The following TMEM9 variants were observed in gnomAD, a reference collection of about 807,000 sequenced individuals.
TMEM9 encodes transmembrane protein 9.
TMEM9 carries 13 observed loss-of-function variants against 22.8 expected under a neutral mutation model. The ratio of observed to expected loss-of-function variants is 0.57; its 90% CI spans 0.37 to 0.91. The LOEUF is 0.91. TMEM9 is among the 40% of genes least tolerant of loss of function. TMEM9 has a pLI of 0.01. For synonymous variants in TMEM9, 88 were observed against 93.0 expected (o/e 0.95, Z 0.31); for missense variants, 182 against 238.1 (o/e 0.76, Z 1.55).
intron 4 of TMEM9, among the ~76,000 whole-genome samples, chr1:201,138,203 G>C (rs538978410): frequency 1.2e-3 from 188 of 152,294 alleles, no homozygotes; most frequent in Non-Finnish European, 2.3e-3. Flanking sequence ...GTATCTCAGG[G>C]GAGCGTCTTG....
Position 201,154,147 on chromosome 1 carries a change from C to G in TMEM9, c.-224G>C. ...CAACTCTCCGGCTCTCCGCCAGCCA[C>G]CTGGTGAGCCCGGCAGAGGGGTCCT... On this transcript the variant is annotated 5_prime_UTR_variant, in exon 1 of 5. Transcript: ENST00000367330. The G allele has an allele frequency of 3.6e-6, 2 of 556,456 alleles. No individual in the cohort carries two copies. The highest frequency in any genetic ancestry group is 6.3e-6 in the Non-Finnish European group (2 of 318,282). The allele number at this position is 556,456 out of a possible 1,614,324, so 34.5% of individuals were successfully genotyped here.
chr1:201,160,300 T>C (rs1315996894), intron 1 of TMEM9, among the ~76,000 whole-genome samples: 2 of 152,182 alleles, frequency 1.3e-5, no homozygotes, highest in Non-Finnish European at 2.9e-5. Flanking sequence ...TAAAAATTAT[T>C]GAGGTTAGGC....
At chr1:201,145,341 G>GC (rs1664872260) in intron 3 of TMEM9, 1 of 152,624 alleles carries the variant, frequency 6.6e-6, no homozygotes, top group Non-Finnish European at 1.5e-5. Flanking sequence ...GCCCACTGGA[G>GC]CAAGTTCAGA....
chr1:201,134,794 T>C lies in TMEM9; in HGVS notation c.*869A>G, dbSNP rs1333749604. The C allele has an allele frequency of 1.3e-5, 2 of 152,824 alleles. No individual in the cohort carries two copies. Among genetic ancestry groups the C allele is most frequent in the South Asian group, 2.1e-4 (1 of 4,832 alleles). The allele number at this position is 152,824 out of a possible 1,614,324, so 9.5% of individuals were successfully genotyped here. ...AAGTGAGAGAAATAAAACAATTTAA[T>C]GATGGCTTCCTTGATTTACACACAA... is the stretch of plus-strand genomic sequence containing the variant. On this transcript the variant is annotated 3_prime_UTR_variant, in exon 5 of 5. Transcript: ENST00000367330.
chr1:201,156,851 G>T (rs1421980417), upstream of TMEM9, among the ~76,000 whole-genome samples: 1 of 152,188 alleles, frequency 6.6e-6, no homozygotes, highest in Non-Finnish European at 1.5e-5. Flanking sequence ...GTACCCCAGG[G>T]ATACAACAGA....
At chr1:201,167,837 G>A (rs930314060) in intron 1 of TMEM9, among the ~76,000 whole-genome samples, 2 of 152,276 alleles carry the variant, frequency 1.3e-5, no homozygotes, top group African/African-American at 4.8e-5. Flanking sequence ...TTTTTGCAAG[G>A]ATGGGATTAC....
intron 1 of TMEM9, among the ~76,000 whole-genome samples, chr1:201,152,305 G>C (rs531010712): frequency 2.0e-5 from 3 of 152,278 alleles, no homozygotes; most frequent in African/African-American, 7.2e-5. Context: ...CATAAAGGGC[G>C]AGGGTGAATA....
intron 4 of TMEM9, among the ~76,000 whole-genome samples, chr1:201,137,866 A>T (rs561910209): frequency 6.6e-6 from 1 of 152,332 alleles, no homozygotes; most frequent in South Asian, 2.1e-4. Flanking sequence ...GAAAACTGCC[A>T]TGGCTGCTGC....
chr1:201,135,574 G>C lies in TMEM9; in HGVS notation c.*89C>G, dbSNP rs1276500905. ...GGCTTTTAAAGGGAAGACTGGAACCGAGGGAAGGGAGAAGTAGCCCCCTGC... is the reference window on the plus strand; with the variant it reads ...GGCTTTTAAAGGGAAGACTGGAACCCAGGGAAGGGAGAAGTAGCCCCCTGC... On this transcript the variant is annotated 3_prime_UTR_variant, in exon 5 of 5. Coordinates refer to ENST00000367330, the MANE Select transcript of TMEM9 (RefSeq NM_001288565.2). 1.6e-5 allele frequency: 21 copies of C among 1,342,948 alleles called. No homozygotes were observed. The South Asian group carries it at 3.3e-4, about 21-fold the overall frequency. 83.2% of individuals were successfully genotyped at this position (1,342,948 alleles called of 1,614,324 possible).
At chr1:201,148,245 C>T (rs1665145939) in intron 2 of TMEM9, among the ~76,000 whole-genome samples, 1 of 152,240 alleles carries the variant, frequency 6.6e-6, no homozygotes, top group East Asian at 1.9e-4. Flanking sequence ...GAACCCAAAT[C>T]TAGACCCTCA....
In TMEM9 at chr1:201,134,835, A is replaced by G. The variant is rs1296881573; in HGVS notation, c.*828T>C. ...TTACACACAACTCTAAGACAAGAGGACAAAATTTTCTCTCCATGCACTGGT... is the reference window on the plus strand; with the variant it reads ...TTACACACAACTCTAAGACAAGAGGGCAAAATTTTCTCTCCATGCACTGGT... On this transcript the variant is annotated 3_prime_UTR_variant, in exon 5 of 5. Transcript: ENST00000367330. The G allele has an allele frequency of 2.6e-5, 4 of 152,824 alleles. No individual in the cohort carries two copies. 9.5% of individuals were successfully genotyped at this position (152,824 alleles called of 1,614,324 possible). A position where few individuals can be genotyped will look rare whatever the true frequency, so the allele number is the denominator to read the frequency against.
At position 201,150,329 on chromosome 1, in the gene TMEM9, G is replaced by A. The variant is rs12065144; in HGVS notation, c.158+1432C>T. On this transcript the variant is annotated intron_variant, in intron 2 of 4. Coordinates refer to ENST00000367330, the MANE Select transcript of TMEM9 (RefSeq NM_001288565.2). ...CAGTCTGTGGTGTAAGTTTGACCAT[G>A]ACTATCTATGTGGCCACCAGTAAGG... Among the ~76,000 whole-genome samples the A allele has an allele frequency of 8.5e-3, 1,302 of 152,294 alleles. 17 individuals carry two copies. Among genetic ancestry groups the A allele is most frequent in the African/African-American group, 0.03 (1,246 of 41,548 alleles).
intron 4 of TMEM9, among the ~76,000 whole-genome samples, chr1:201,141,852 C>G (rs1037784307): frequency 2.0e-5 from 3 of 152,158 alleles, no homozygotes; most frequent in African/African-American, 7.2e-5. Context: ...CTGCTCTCCC[C>G]AAGCTGCCCT....
intron 1 of TMEM9, among the ~76,000 whole-genome samples, chr1:201,167,871 T>C (rs924619954): frequency 6.6e-6 from 1 of 152,238 alleles, no homozygotes; most frequent in African/African-American, 2.4e-5. Flanking sequence ...TGTGTAAATA[T>C]AGATATAAAT....
intron 2 of TMEM9, among the ~76,000 whole-genome samples, chr1:201,147,819 G>A (rs887351591): frequency 6.6e-6 from 1 of 152,212 alleles, no homozygotes; most frequent in East Asian, 1.9e-4. Context: ...CCAGCCACAC[G>A]GATCTGCCAG....
chr1:201,150,227 A>G (rs559282294), intron 2 of TMEM9, among the ~76,000 whole-genome samples: 1 of 152,360 alleles, frequency 6.6e-6, no homozygotes, highest in South Asian at 2.1e-4. Flanking sequence ...TATTTGAACT[A>G]TAACCACAAG....
intron 1 of TMEM9, among the ~76,000 whole-genome samples, chr1:201,166,202 A>C (rs1666074125): frequency 6.6e-6 from 1 of 151,906 alleles, no homozygotes; most frequent in Non-Finnish European, 1.5e-5. Flanking sequence ...TACTTTCTCT[A>C]ATAAATCTGC....
At chr1:201,157,695 T>A (rs1030546592), upstream of TMEM9, among the ~76,000 whole-genome samples, 2 of 152,102 alleles carry the variant, frequency 1.3e-5, no homozygotes, top group African/African-American at 2.4e-5. Context: ...GAACTTGAAG[T>A]TTATTGCAAG....
At chr1:201,157,104 G>A (rs1665818092), upstream of TMEM9, among the ~76,000 whole-genome samples, 1 of 152,130 alleles carries the variant, frequency 6.6e-6, no homozygotes. Context: ...TACAGAGAGG[G>A]GTCCTGGAAA....
Sources: gnomAD v4.1 joint callset for allele counts (sites outside exome capture counted in the v4.1 genomes callset) on GRCh38, gnomAD v4.1.1 for gene constraint, MANE v1.5 for transcripts, NCBI Gene and HGNC (gene_info 2026-07-23, HGNC 2026-07-21) for gene names.